MYRIP: variants seen among roughly 807,000 people sequenced by gnomAD.
The protein encoded by MYRIP is myosin VIIA and Rab interacting protein.
Under a neutral mutation model 98.0 loss-of-function variants are expected in MYRIP, and 49 were observed. That is an observed-to-expected ratio of 0.50 (90% confidence interval 0.40 to 0.63). MYRIP has a LOEUF of 0.63. Among genes scored for constraint, MYRIP ranks in the 30% least tolerant of loss-of-function variants. The pLI, the probability that MYRIP is intolerant of heterozygous loss-of-function variation, is 0.00. For missense variants in MYRIP, 1,004 were observed against 1,058.2 expected (o/e 0.95, Z 0.71); for synonymous variants, 404 against 409.5 (o/e 0.99, Z 0.16).
intron 2 of MYRIP, among the ~76,000 whole-genome samples, chr3:39,923,276 A>C (rs1037667024): frequency 3.9e-5 from 6 of 152,126 alleles, no homozygotes; most frequent in Non-Finnish European, 7.4e-5. Flanking sequence ...TGAAAAAAGT[A>C]CTTGAAGAAA....
chr3:40,005,581 G>T (rs1946613616), intron 2 of MYRIP, among the ~76,000 whole-genome samples: 1 of 152,222 alleles, frequency 6.6e-6, no homozygotes, highest in Non-Finnish European at 1.5e-5. Context: ...TTCATAGGCA[G>T]ATGATTTGGA....
At chr3:40,012,626 A>G (rs1946784728) in intron 2 of MYRIP, among the ~76,000 whole-genome samples, 2 of 152,180 alleles carry the variant, frequency 1.3e-5, no homozygotes, top group Admixed American at 1.3e-4. Context: ...CCGCTTGTGG[A>G]TGGGCATCAT....
intron 1 of MYRIP, among the ~76,000 whole-genome samples, chr3:39,821,316 AC>A (rs1375467679): frequency 1.4e-5 from 2 of 142,168 alleles, no homozygotes; most frequent in African/African-American, 2.6e-5. Flanking sequence ...TCCACTGCCC[AC>A]CCCCGACCCC....
At chr3:39,953,066 A>G (rs1362169228) in intron 2 of MYRIP, among the ~76,000 whole-genome samples, 2 of 152,130 alleles carry the variant, frequency 1.3e-5, no homozygotes, top group Non-Finnish European at 2.9e-5. Flanking sequence ...GTTTCTGACA[A>G]TGCCCCGGGG....
chr3:39,998,079 A>G (rs1946415151), intron 2 of MYRIP, among the ~76,000 whole-genome samples: 1 of 152,232 alleles, frequency 6.6e-6, no homozygotes, highest in Admixed American at 6.5e-5. Context: ...CCAATATCAT[A>G]CTGAATGGGC....
Position 40,214,725 on chromosome 3 carries a change from C to T in MYRIP, c.1905+4632C>T, listed in dbSNP as rs895907470. Among the ~76,000 whole-genome samples the T allele has an allele frequency of 2.6e-5, 4 of 152,148 alleles. No individual in the cohort carries two copies. The East Asian group carries it at 7.7e-4, about 29-fold the overall frequency. Reference sequence around the variant, plus strand: ...CTTCCAAACCACATGGTCTTCAAAGCCTGGGAATGAGCACTCGTTTCTCCC... The same window carrying T: ...CTTCCAAACCACATGGTCTTCAAAGTCTGGGAATGAGCACTCGTTTCTCCC... On this transcript the variant is annotated intron_variant, in intron 11 of 16. Transcript: ENST00000302541.
intron 13 of MYRIP, among the ~76,000 whole-genome samples, chr3:40,245,930 T>G (rs1350846082): frequency 6.8e-5 from 10 of 147,884 alleles, no homozygotes; most frequent in African/African-American, 2.5e-4. Context: ...TTTTTTTTTT[T>G]TTGTATTTTT....
intron 12 of MYRIP, 117 bp downstream of exon 12, chr3:40,234,170 C>CT (rs1952753095): frequency 9.9e-7 from 1 of 1,007,650 alleles, no homozygotes; most frequent in Non-Finnish European, 1.4e-6. Flanking sequence ...ACACCACTAC[C>CT]ACTATAGCAA....
chr3:39,910,235 C>T (rs554028143), intron 2 of MYRIP, among the ~76,000 whole-genome samples: 8 of 152,236 alleles, frequency 5.3e-5, no homozygotes, highest in Admixed American at 1.3e-4. Context: ...GGCTCTAAAA[C>T]GGTGTTAAAT....
intron 2 of MYRIP, among the ~76,000 whole-genome samples, chr3:40,023,919 A>G (rs532484675): frequency 6.6e-6 from 1 of 152,290 alleles, no homozygotes; most frequent in South Asian, 2.1e-4. Context: ...TCATGGGTTT[A>G]TCAGTGATTC....
chr3:40,147,049 G>T (rs1950024946), intron 3 of MYRIP, among the ~76,000 whole-genome samples: 1 of 152,104 alleles, frequency 6.6e-6, no homozygotes, highest in Non-Finnish European at 1.5e-5. Context: ...GTCCCCCAGG[G>T]AATCACATTT....
chr3:40,215,401 G>A (rs900433679), intron 11 of MYRIP, among the ~76,000 whole-genome samples: 26 of 151,862 alleles, frequency 1.7e-4, no homozygotes, highest in African/African-American at 6.3e-4. Flanking sequence ...TCAAAGTACT[G>A]AGACTTCTCT....
chr3:40,096,982 A>T (rs1948846765), intron 3 of MYRIP, among the ~76,000 whole-genome samples: 2 of 152,308 alleles, frequency 1.3e-5, no homozygotes, highest in Middle Eastern at 6.8e-3. Flanking sequence ...CCTGGCTATC[A>T]GCAGCCCTGC....
chr3:40,138,361 C>T (rs1949825517), intron 3 of MYRIP, among the ~76,000 whole-genome samples: 1 of 152,118 alleles, frequency 6.6e-6, no homozygotes, highest in Non-Finnish European at 1.5e-5. Context: ...CACAACCTAT[C>T]CCATTTTGTG....
At chr3:40,247,348 C>G (rs1953238141) in intron 13 of MYRIP, among the ~76,000 whole-genome samples, 1 of 152,098 alleles carries the variant, frequency 6.6e-6, no homozygotes, top group Non-Finnish European at 1.5e-5. Context: ...TTATTTTGTA[C>G]TAGGTATTTG....
chr3:39,880,450 A>G (rs1943130637), intron 1 of MYRIP, among the ~76,000 whole-genome samples: 1 of 152,258 alleles, frequency 6.6e-6, no homozygotes, highest in Admixed American at 6.5e-5. Context: ...AGGAGTAGGC[A>G]TTCTCAAATT....
intron 2 of MYRIP, among the ~76,000 whole-genome samples, chr3:40,032,401 T>C (rs1489534748): frequency 3.3e-5 from 5 of 152,282 alleles, no homozygotes; most frequent in Middle Eastern, 3.4e-3. Context: ...CAGTTTGTTA[T>C]ACTTTCTGTT....
At chr3:39,985,422 A>G (rs1946008226) in intron 2 of MYRIP, among the ~76,000 whole-genome samples, 2 of 116,126 alleles carry the variant, frequency 1.7e-5, no homozygotes, top group Non-Finnish European at 3.5e-5. Flanking sequence ...CCATCAAGCT[A>G]CCAATGCCTT....
intron 3 of MYRIP, among the ~76,000 whole-genome samples, chr3:40,078,565 T>C (rs914395268): frequency 6.6e-6 from 1 of 152,222 alleles, no homozygotes; most frequent in African/African-American, 2.4e-5. Flanking sequence ...CATTTTAAAA[T>C]GCAGTTTAGA....
Sources: gnomAD v4.1 joint callset for allele counts (sites outside exome capture counted in the v4.1 genomes callset) on GRCh38, gnomAD v4.1.1 for gene constraint, MANE v1.5 for transcripts, NCBI Gene and HGNC (gene_info 2026-07-23, HGNC 2026-07-21) for gene names.